The following GMDS variants were observed in gnomAD, a reference collection of about 807,000 sequenced individuals.
GMDS encodes GDP-mannose 4,6-dehydratase.
Under a neutral mutation model 49.9 loss-of-function variants are expected in GMDS, and 20 were observed. That is an observed-to-expected ratio of 0.40 (90% CI 0.28 to 0.58). GMDS has a LOEUF of 0.58. Ranked by LOEUF, GMDS falls within the 20% of genes least tolerant of loss-of-function variation. The pLI, the probability that GMDS is intolerant of heterozygous loss-of-function variation, is 0.42. For missense variants in GMDS, 362 were observed against 481.4 expected, an observed-to-expected ratio of 0.75 and a Z score of 2.32; for synonymous variants, 177 against 178.6, an observed-to-expected ratio of 0.99 and a Z score of 0.07.
chr6:2,051,974 G>C (rs945153278), intron 4 of GMDS, among the ~76,000 whole-genome samples: 10 of 151,748 alleles, frequency 6.6e-5, no homozygotes, highest in African/African-American at 2.4e-4. Context: ...AAAATTAGTC[G>C]GGCGTGGTGG....
At chr6:1,854,397 A>G (rs1757850912) in intron 7 of GMDS, among the ~76,000 whole-genome samples, 1 of 152,256 alleles carries the variant, frequency 6.6e-6, no homozygotes, top group Admixed American at 6.5e-5. Context: ...CAACACGCTG[A>G]TGACAAACTT....
intron 1 of GMDS, among the ~76,000 whole-genome samples, chr6:2,208,091 C>A (rs1779885882): frequency 2.0e-5 from 3 of 151,840 alleles, no homozygotes. Flanking sequence ...TTAGGTGAAG[C>A]TGTGCATAAG....
chr6:1,646,634 T>C (rs1241408693), intron 9 of GMDS, among the ~76,000 whole-genome samples: 11 of 152,184 alleles, frequency 7.2e-5, no homozygotes, highest in Admixed American at 7.2e-4. Context: ...TCCACCCACT[T>C]TGGCCTCCCA....
intron 9 of GMDS, among the ~76,000 whole-genome samples, chr6:1,709,214 C>T (rs1482398059): frequency 6.6e-6 from 1 of 152,232 alleles, no homozygotes; most frequent in Non-Finnish European, 1.5e-5. Context: ...GTGCCAGCCA[C>T]CCTTGTAGTG....
chr6:1,931,963 G>A (rs1762306125), intron 6 of GMDS, among the ~76,000 whole-genome samples: 1 of 152,232 alleles, frequency 6.6e-6, no homozygotes, highest in South Asian at 2.1e-4. Flanking sequence ...CACAGAGAGG[G>A]TCAGGTGGGC....
intron 4 of GMDS, among the ~76,000 whole-genome samples, chr6:2,087,698 T>C (rs1773090190): frequency 6.6e-6 from 1 of 152,222 alleles, no homozygotes; most frequent in South Asian, 2.1e-4. Context: ...ATTGCTTGAA[T>C]GTTGTTCACT....
At chr6:1,936,235 C>T (rs1348541624) in intron 6 of GMDS, among the ~76,000 whole-genome samples, 1 of 152,174 alleles carries the variant, frequency 6.6e-6, no homozygotes, top group African/African-American at 2.4e-5. Flanking sequence ...TATCATGCTA[C>T]AGGAAGCAGT....
At chr6:2,179,860 A>G (rs1045938057) in intron 1 of GMDS, among the ~76,000 whole-genome samples, 10 of 152,138 alleles carry the variant, frequency 6.6e-5, no homozygotes, top group African/African-American at 2.4e-4. Context: ...TGAGTCCATA[A>G]GATCATACAA....
chr6:2,233,319 T>C (rs1781200272), intron 1 of GMDS, among the ~76,000 whole-genome samples: 1 of 152,206 alleles, frequency 6.6e-6, no homozygotes, highest in African/African-American at 2.4e-5. Context: ...TTTGGAGATA[T>C]CATCTATGAT....
intron 7 of GMDS, among the ~76,000 whole-genome samples, chr6:1,831,765 T>C (rs866337765): frequency 5.9e-5 from 9 of 152,228 alleles, no homozygotes; most frequent in East Asian, 1.9e-4. Flanking sequence ...AGCTAGCATA[T>C]TGAAAAATTA....
chr6:2,211,798 T>C (rs1334653581), intron 1 of GMDS, among the ~76,000 whole-genome samples: 1 of 152,182 alleles, frequency 6.6e-6, no homozygotes, highest in Non-Finnish European at 1.5e-5. Context: ...TCCCATGAAA[T>C]ATTTATTCAA....
intron 9 of GMDS, among the ~76,000 whole-genome samples, chr6:1,650,498 C>G (rs1481116041): frequency 6.6e-6 from 1 of 152,136 alleles, no homozygotes; most frequent in East Asian, 1.9e-4. Context: ...CTTCTCCTAC[C>G]AATTCTTCGT....
chr6:1,823,554 C>A (rs1490544816), intron 7 of GMDS, among the ~76,000 whole-genome samples: 1 of 152,116 alleles, frequency 6.6e-6, no homozygotes, highest in African/African-American at 2.4e-5. Context: ...CTGCATGTGT[C>A]CTGAGGATTC....
intron 9 of GMDS, among the ~76,000 whole-genome samples, chr6:1,697,066 C>T (rs1765369508): frequency 6.6e-6 from 1 of 152,176 alleles, no homozygotes; most frequent in South Asian, 2.1e-4. Flanking sequence ...CGTAGGAGCC[C>T]AACAGCCCAT....
At chr6:2,083,125 C>T (rs181560498) in intron 4 of GMDS, among the ~76,000 whole-genome samples, 3 of 152,340 alleles carry the variant, frequency 2.0e-5, no homozygotes, top group South Asian at 2.1e-4. Flanking sequence ...AATGTAGGTT[C>T]TCAGGGTAAA....
chr6:1,739,396 G>A (rs943761162), intron 8 of GMDS, among the ~76,000 whole-genome samples: 7 of 152,242 alleles, frequency 4.6e-5, no homozygotes, highest in African/African-American at 9.6e-5. Flanking sequence ...CCTGCGTGCC[G>A]CGGTGAGCAT....
chr6:1,866,873 C>T (rs1758466513), intron 7 of GMDS, among the ~76,000 whole-genome samples: 1 of 152,208 alleles, frequency 6.6e-6, no homozygotes, highest in African/African-American at 2.4e-5. Context: ...AAGTCCTGCT[C>T]AGGAAGGAGA....
chr6:2,000,002 ATATATATTTTT>A (rs1561961986), intron 4 of GMDS, among the ~76,000 whole-genome samples: 806 of 19,192 alleles, frequency 0.042, 143 homozygotes, highest in African/African-American at 0.12. Flanking sequence ...TATATTATAT[ATATATATTTTT>A]TATATATATA....
chr6:1,999,961 A>ATATATATAT (rs1561961595), intron 4 of GMDS, among the ~76,000 whole-genome samples: 13 of 21,334 alleles, frequency 6.1e-4, no homozygotes, highest in African/African-American at 1.8e-3. Flanking sequence ...TATGTATATT[A>ATATATATAT]TATATATATT....
Sources: gnomAD v4.1 joint callset for allele counts (sites outside exome capture counted in the v4.1 genomes callset) on GRCh38, gnomAD v4.1.1 for gene constraint, MANE v1.5 for transcripts, NCBI Gene and HGNC (gene_info 2026-07-23, HGNC 2026-07-21) for gene names.